Variants in SGCZ observed in about 807,000 individuals in gnomAD.
SGCZ encodes zeta-sarcoglycan.
SGCZ carries 40 observed loss-of-function variants against 41.3 expected under a neutral mutation model. The observed-to-expected ratio is 0.97, with a 90% CI of 0.75 to 1.26. The LOEUF is 1.26. SGCZ is among the 50% of genes most tolerant of loss of function. The pLI, the probability that SGCZ is intolerant of heterozygous loss-of-function variation, is 0.00. For missense variants in SGCZ, 552 were observed against 369.8 expected (o/e 1.49, Z -4.04); for synonymous variants, 206 against 137.5 (o/e 1.50, Z -3.49).
chr8:14,129,838 A>G (rs1318455495), intron 5 of SGCZ, among the ~76,000 whole-genome samples: 1 of 152,206 alleles, frequency 6.6e-6, no homozygotes, highest in African/African-American at 2.4e-5. Flanking sequence ...GAAATGAATA[A>G]AGACAGAAGT....
chr8:15,164,639 G>GTT (rs71211011), intron 1 of SGCZ, among the ~76,000 whole-genome samples: 13,796 of 140,650 alleles, frequency 0.098, 1,996 homozygotes, highest in African/African-American at 0.32. Flanking sequence ...TTTTAAGCAA[G>GTT]TTTTTTTTTT....
At chr8:14,143,696 G>A (rs533744867) in intron 5 of SGCZ, among the ~76,000 whole-genome samples, 9 of 152,162 alleles carry the variant, frequency 5.9e-5, no homozygotes, top group South Asian at 2.1e-4. Flanking sequence ...ACTCATAGTC[G>A]CTGATTTAAC....
chr8:14,955,893 T>A (rs779947644), intron 1 of SGCZ, among the ~76,000 whole-genome samples: 1 of 152,154 alleles, frequency 6.6e-6, no homozygotes, highest in Non-Finnish European at 1.5e-5. Context: ...ACAAGAGTTG[T>A]TCATTTTAAT....
chr8:14,784,080 G>A (rs892521034), intron 1 of SGCZ, among the ~76,000 whole-genome samples: 10 of 148,226 alleles, frequency 6.7e-5, no homozygotes, highest in African/African-American at 2.0e-4. Context: ...AGATAGGGTC[G>A]CTCTCTGGCT....
intron 2 of SGCZ, among the ~76,000 whole-genome samples, chr8:14,459,069 T>G (rs138402437): frequency 2.5e-4 from 38 of 152,254 alleles, no homozygotes; most frequent in African/African-American, 8.7e-4. Flanking sequence ...CTCATAAATG[T>G]CCATTAGTTG....
chr8:14,310,544 G>A (rs1054538305), intron 3 of SGCZ, among the ~76,000 whole-genome samples: 1 of 151,876 alleles, frequency 6.6e-6, no homozygotes, highest in African/African-American at 2.4e-5. Flanking sequence ...TAGGGTACAT[G>A]TGCACAATGT....
intron 1 of SGCZ, among the ~76,000 whole-genome samples, chr8:15,065,956 CTTAAG>C (rs940475413): frequency 6.6e-5 from 10 of 152,258 alleles, no homozygotes; most frequent in South Asian, 2.1e-4. Context: ...CTTTTTAAAT[CTTAAG>C]TTAATTACAA....
chr8:14,262,740 G>C (rs1483432669), intron 3 of SGCZ, among the ~76,000 whole-genome samples: 2 of 149,258 alleles, frequency 1.3e-5, no homozygotes, highest in Non-Finnish European at 3.0e-5. Flanking sequence ...GATGTATCGT[G>C]ATATATGAGC....
At chr8:15,111,392 A>G (rs1488252274) in intron 1 of SGCZ, among the ~76,000 whole-genome samples, 2 of 152,116 alleles carry the variant, frequency 1.3e-5, no homozygotes, top group Non-Finnish European at 2.9e-5. Flanking sequence ...CCATCCCTTC[A>G]TTTGCATAGG....
At chr8:14,730,612 T>C (rs1420229666) in intron 1 of SGCZ, among the ~76,000 whole-genome samples, 2 of 148,940 alleles carry the variant, frequency 1.3e-5, no homozygotes, top group Admixed American at 1.3e-4. Flanking sequence ...CAGGTTCTGC[T>C]TGAAGTGAGA....
chr8:14,190,125 G>C (rs1585215488), intron 4 of SGCZ, among the ~76,000 whole-genome samples: 1 of 145,282 alleles, frequency 6.9e-6, no homozygotes, highest in Admixed American at 7.3e-5. Context: ...CCATTCTCCT[G>C]CCTCAGCCTC....
chr8:14,420,492 G>C (rs1251791335), intron 2 of SGCZ, among the ~76,000 whole-genome samples: 2 of 151,916 alleles, frequency 1.3e-5, no homozygotes, highest in Non-Finnish European at 2.9e-5. Context: ...TATATTTGCT[G>C]TCTATTGCTC....
intron 1 of SGCZ, among the ~76,000 whole-genome samples, chr8:15,095,871 A>T (rs1219046663): frequency 6.6e-6 from 1 of 152,028 alleles, no homozygotes; most frequent in Non-Finnish European, 1.5e-5. Context: ...CAAAAGTTCC[A>T]CTCCTTCCTA....
intron 1 of SGCZ, among the ~76,000 whole-genome samples, chr8:14,807,528 G>T (rs1368483125): frequency 7.9e-5 from 12 of 151,838 alleles, no homozygotes; most frequent in Non-Finnish European, 1.3e-4. Context: ...TACAAGGGAT[G>T]TGAAGGACCT....
chr8:14,322,981 G>T (rs1316977495), intron 3 of SGCZ, among the ~76,000 whole-genome samples: 1 of 152,010 alleles, frequency 6.6e-6, no homozygotes, highest in African/African-American at 2.4e-5. Context: ...GTTTAATTAT[G>T]TAAGGTCAGG....
At chr8:14,693,762 T>C (rs964900879) in intron 1 of SGCZ, among the ~76,000 whole-genome samples, 7 of 151,778 alleles carry the variant, frequency 4.6e-5, no homozygotes, top group Non-Finnish European at 7.4e-5. Flanking sequence ...AGCTAATTTT[T>C]TGTATTTTTA....
At chr8:14,353,506 G>T (rs1240299438) in intron 2 of SGCZ, among the ~76,000 whole-genome samples, 2 of 152,010 alleles carry the variant, frequency 1.3e-5, no homozygotes, top group African/African-American at 4.8e-5. Context: ...TCCAATTTAA[G>T]GTGTCTTCCC....
chr8:14,545,129 A>T (rs1803585140), intron 2 of SGCZ, among the ~76,000 whole-genome samples: 1 of 152,132 alleles, frequency 6.6e-6, no homozygotes, highest in South Asian at 2.1e-4. Context: ...ACTTATGGAA[A>T]ATAGAAAGAA....
At chr8:14,542,428 G>C (rs915408403) in intron 2 of SGCZ, among the ~76,000 whole-genome samples, 2 of 152,020 alleles carry the variant, frequency 1.3e-5, no homozygotes, top group Non-Finnish European at 2.9e-5. Flanking sequence ...TGACTATTTA[G>C]TATATTTTGG....
Sources: gnomAD v4.1 joint callset for allele counts (sites outside exome capture counted in the v4.1 genomes callset) on GRCh38, gnomAD v4.1.1 for gene constraint, MANE v1.5 for transcripts, NCBI Gene and HGNC (gene_info 2026-07-23, HGNC 2026-07-21) for gene names.